The following MAPRE3 variants were observed in gnomAD, a reference collection of about 807,000 sequenced individuals.
The protein encoded by MAPRE3 is microtubule-associated protein RP/EB family member 3.
In MAPRE3, 2 loss-of-function variants were observed where a neutral mutation model predicts 30.5. The observed-to-expected ratio is 0.07, with a 90% CI of 0.03 to 0.21. The LOEUF (loss-of-function observed/expected upper bound fraction) is 0.21. MAPRE3 is among the 10% of genes least tolerant of loss of function. MAPRE3 has a pLI of 1.00. For missense variants in MAPRE3, 204 were observed against 351.8 expected (o/e 0.58, Z 3.36); for synonymous variants, 110 against 127.7 (o/e 0.86, Z 0.93).
At chr2:26,982,954 TG>T (rs1666144248) in intron 1 of MAPRE3, among the ~76,000 whole-genome samples, 1 of 152,182 alleles carries the variant, frequency 6.6e-6, no homozygotes, top group Admixed American at 6.5e-5. Flanking sequence ...AGCAATGTTT[TG>T]GACTTCTCAA....
chr2:27,026,354 G>A lies in MAPRE3; in HGVS notation c.*6G>A. 1 of 1,612,220 alleles carries A rather than the reference G, an allele frequency of 6.2e-7. No individual in the cohort carries two copies. Among genetic ancestry groups the A allele is most frequent in the Non-Finnish European group, 8.5e-7 (1 of 1,178,996 alleles). On this transcript the variant is annotated 3_prime_UTR_variant, in exon 7 of 7. Coordinates refer to ENST00000233121, the MANE Select transcript of MAPRE3 (RefSeq NM_012326.4). The stretch of plus-strand genomic sequence containing the variant: ...AAGACCAGGACGAGTACTGAGGGCG[G>A]CCGCAGCCCTGGCTGACTGCACAGC...
intron 4 of MAPRE3, among the ~76,000 whole-genome samples, chr2:27,024,652 G>GT: frequency 6.6e-6 from 1 of 152,326 alleles, no homozygotes. Flanking sequence ...CAAGAGCCTG[G>GT]TGCCAGCACC....
intron 1 of MAPRE3, among the ~76,000 whole-genome samples, chr2:26,977,911 C>A (rs1342865399): frequency 1.3e-5 from 2 of 152,234 alleles, no homozygotes; most frequent in African/African-American, 4.8e-5. Flanking sequence ...TTGGCCTCCT[C>A]CTGAGGATCC....
At chr2:27,007,877 CTA>C (rs1666766262) in intron 1 of MAPRE3, among the ~76,000 whole-genome samples, 1 of 152,202 alleles carries the variant, frequency 6.6e-6, no homozygotes, top group Non-Finnish European at 1.5e-5. Flanking sequence ...CAGAGAATGA[CTA>C]TTCTATTTAT....
At chr2:26,994,184 T>A (rs1666406685) in intron 1 of MAPRE3, among the ~76,000 whole-genome samples, 1 of 152,230 alleles carries the variant, frequency 6.6e-6, no homozygotes, top group Admixed American at 6.5e-5. Flanking sequence ...AACTTAATTA[T>A]CAGCTTTTCT....
At chr2:27,024,063 G>A (rs371711513) in intron 3 of MAPRE3, 33 bp from the exon 4 acceptor site, 9 of 1,557,286 alleles carry the variant, frequency 5.8e-6, no homozygotes, top group African/African-American at 4.1e-5. Flanking sequence ...GCAGCAGGTG[G>A]CTAAAGTACT....
At chr2:27,019,660 T>A (rs1342785078) in intron 1 of MAPRE3, among the ~76,000 whole-genome samples, 1 of 152,152 alleles carries the variant, frequency 6.6e-6, no homozygotes, top group African/African-American at 2.4e-5. Flanking sequence ...TTGCCAGGTC[T>A]TGAGTCTTTA....
intron 1 of MAPRE3, among the ~76,000 whole-genome samples, 168 bp from the exon 2 acceptor site, chr2:27,022,044 G>A (rs1667120138): frequency 6.6e-6 from 1 of 152,190 alleles, no homozygotes; most frequent in Non-Finnish European, 1.5e-5. Context: ...TATAGTAGAT[G>A]CTCATGAAAT....
At chr2:27,002,322 C>A (rs1012674837) in intron 1 of MAPRE3, among the ~76,000 whole-genome samples, 3 of 151,956 alleles carry the variant, frequency 2.0e-5, no homozygotes, top group African/African-American at 7.3e-5. Context: ...ATGCTAATAT[C>A]TAAAGTTTTA....
chr2:27,003,372 A>G (rs1382862436), intron 1 of MAPRE3, among the ~76,000 whole-genome samples: 1 of 152,150 alleles, frequency 6.6e-6, no homozygotes, highest in East Asian at 1.9e-4. Flanking sequence ...TACCCCTCTA[A>G]AATCAGAAAA....
In MAPRE3 at chr2:26,985,395, A is replaced by T. The variant is rs1212180057; in HGVS notation, c.-8+14593A>T. ...CTTAGCCAGAGAGCATTCTGGCAGC[A>T]TAGATCTGAGTTGGTGAAGCTATTC... On this transcript the variant is annotated intron_variant, in intron 1 of 6. Coordinates refer to ENST00000233121, the MANE Select transcript of MAPRE3 (RefSeq NM_012326.4). The surrounding 1 kb of genome is among the most constrained non-coding windows in gnomAD (Gnocchi z 4.2). Among the ~76,000 whole-genome samples the T allele has an allele frequency of 1.3e-5, 2 of 152,232 alleles. No individual in the cohort carries two copies. The highest frequency in any genetic ancestry group is 2.9e-5 in the Non-Finnish European group (2 of 68,032).
chr2:27,026,048 C>G lies in MAPRE3; in HGVS notation c.777+16C>G. 1 of 1,613,818 alleles carries G rather than the reference C, an allele frequency of 6.2e-7. No individual in the cohort carries two copies. The highest frequency in any genetic ancestry group is 8.5e-7 in the Non-Finnish European group (1 of 1,179,862). ...TGCCACAGAGGTGAGCACTCCCAGG[C>G]CCATTGGGCCCTCCCCAGTCTGGCC... On this transcript the variant is annotated intron_variant, in intron 6 of 6. Coordinates refer to ENST00000233121, the MANE Select transcript of MAPRE3 (RefSeq NM_012326.4).
chr2:27,025,816 G>A (rs929196274), intron 5 of MAPRE3, 64 bp from the exon 6 acceptor site: 31 of 1,613,548 alleles, frequency 1.9e-5, no homozygotes, highest in Non-Finnish European at 2.6e-5. Context: ...GGGACGAGAG[G>A]AGGGCAGGCA....
intron 1 of MAPRE3, among the ~76,000 whole-genome samples, chr2:27,001,262 A>G (rs1558379112): frequency 6.6e-6 from 1 of 152,366 alleles, no homozygotes; most frequent in East Asian, 1.9e-4. Context: ...GGCATAGCCT[A>G]TTGCTCCTAG....
intron 1 of MAPRE3, chr2:26,995,352 T>C (rs994663833): frequency 3.3e-5 from 5 of 152,324 alleles, no homozygotes; most frequent in African/African-American, 1.2e-4. Flanking sequence ...TCTTCAAAAG[T>C]AGTTTCCACT....
chr2:27,005,947 CCGAGGTGGGCGGATCA>C (rs1666716304), intron 1 of MAPRE3, among the ~76,000 whole-genome samples: 1 of 152,162 alleles, frequency 6.6e-6, no homozygotes, highest in Non-Finnish European at 1.5e-5. Flanking sequence ...CTTTGGGAGG[CCGAGGTGGGCGGATCA>C]CGAGGTCAGG....
chr2:27,011,857 A>AG (rs1417113220), intron 1 of MAPRE3: 1 of 149,616 alleles, frequency 6.7e-6, no homozygotes, highest in Admixed American at 6.7e-5. Context: ...AAAAAAAAAA[A>AG]AAAAAAAGAA....
At position 27,006,680 on chromosome 2, in the gene MAPRE3, C is replaced by A. The variant is rs140379153; in HGVS notation, c.-7-15532C>A. Among the ~76,000 whole-genome samples, 100 of 152,110 alleles carry A rather than the reference C, an allele frequency of 6.6e-4. 1 individual carries two copies. The highest frequency in any genetic ancestry group is 3.9e-3 in the Admixed American group (59 of 15,270). On this transcript the variant is annotated intron_variant, in intron 1 of 6. Coordinates refer to ENST00000233121, the MANE Select transcript of MAPRE3 (RefSeq NM_012326.4). ...AACTCCTGACCTCAAGCAGTCCTCC[C>A]GCCCCAGACTCCCAAACCACTGAGA...
intron 1 of MAPRE3, among the ~76,000 whole-genome samples, chr2:26,993,811 G>A (rs1371092984): frequency 6.6e-6 from 1 of 152,150 alleles, no homozygotes; most frequent in Non-Finnish European, 1.5e-5. Context: ...TCCTACTACT[G>A]TAGGCCCTAC....
Sources: gnomAD v4.1 joint callset for allele counts (sites outside exome capture counted in the v4.1 genomes callset) on GRCh38, gnomAD v4.1.1 for gene constraint, Gnocchi (gnomAD v3.1) non-coding constraint, MANE v1.5 for transcripts, NCBI Gene and HGNC (gene_info 2026-07-23, HGNC 2026-07-21) for gene names.